The following PFKFB4 variants were observed in gnomAD, a reference collection of about 807,000 sequenced individuals.
The protein encoded by PFKFB4 is 6-phosphofructo-2-kinase/fructose-2,6-bisphosphatase 4.
A neutral mutation model predicts 62.8 loss-of-function variants in PFKFB4; 42 were observed. The ratio of observed to expected loss-of-function variants is 0.67; its 90% CI spans 0.52 to 0.86. The LOEUF is 0.86. Ranked by LOEUF, PFKFB4 falls within the 40% of genes least tolerant of loss-of-function variation. PFKFB4 has a pLI of 0.00. For missense variants in PFKFB4, 475 were observed against 627.2 expected, an observed-to-expected ratio of 0.76 and a Z score of 2.59; for synonymous variants, 204 against 240.7, an observed-to-expected ratio of 0.85 and a Z score of 1.41.
At chr3:48,527,684 C>CTTTT (rs1180697646) in intron 9 of PFKFB4, among the ~76,000 whole-genome samples, 7 of 121,210 alleles carry the variant, frequency 5.8e-5, no homozygotes, top group Admixed American at 3.4e-4. Context: ...CGTCCATCAT[C>CTTTT]TTTTTTTTTT....
intron 9 of PFKFB4, among the ~76,000 whole-genome samples, chr3:48,528,513 A>G (rs1484340276): frequency 6.6e-6 from 1 of 152,082 alleles, no homozygotes; most frequent in Non-Finnish European, 1.5e-5. Flanking sequence ...AAATACAAAA[A>G]TTAGCTGGGT....
chr3:48,523,935 C>A, intron 10 of PFKFB4, 105 bp from the exon 11 acceptor site: 1 of 1,301,232 alleles, frequency 7.7e-7, no homozygotes, highest in Non-Finnish European at 1.1e-6. Flanking sequence ...ACTCACCATT[C>A]TGGGAAGCTG....
intron 9 of PFKFB4, among the ~76,000 whole-genome samples, chr3:48,532,618 A>G (rs2042463297): frequency 6.6e-6 from 1 of 152,236 alleles, no homozygotes; most frequent in Non-Finnish European, 1.5e-5. Flanking sequence ...TGAGAGGCCA[A>G]AGTGGTAGAA....
rs1411928534 is a variant in PFKFB4 at position 48,556,654 on chromosome 3, AC to A, written c.97+26del. 6.2e-6 allele frequency: 8 copies of A among 1,286,682 alleles called. No homozygotes were observed. Among genetic ancestry groups the A allele is most frequent in the African/African-American group, 2.0e-5 (1 of 51,180 alleles). 79.7% of individuals were successfully genotyped at this position (1,286,682 alleles called of 1,614,324 possible). A position where few individuals can be genotyped will look rare whatever the true frequency, so the allele number is the denominator to read the frequency against. On this transcript the variant is annotated intron_variant, in intron 1 of 13. Coordinates refer to ENST00000232375, the MANE Select transcript of PFKFB4 (RefSeq NM_004567.4). The surrounding 1 kb of genome is among the most constrained non-coding windows in gnomAD (Gnocchi z 5.7). ...ACCCACCCATCCCGGTGCACCTCCC[AC>A]CTCCTCCCAGAGGACCCCGCCTCAC...
chr3:48,524,833 T>C (rs2042207232), intron 10 of PFKFB4, among the ~76,000 whole-genome samples: 1 of 152,080 alleles, frequency 6.6e-6, no homozygotes, highest in Non-Finnish European at 1.5e-5. Context: ...CTCCTGGAAG[T>C]GGAAGGAGAT....
At chr3:48,558,669 G>A (rs559002109), upstream of PFKFB4, among the ~76,000 whole-genome samples, 1 of 152,334 alleles carries the variant, frequency 6.6e-6, no homozygotes, top group Non-Finnish European at 1.5e-5. Flanking sequence ...AGCTCTAGCT[G>A]CTTGCCCTGG....
chr3:48,533,904 G>A (rs1478217455), intron 9 of PFKFB4, among the ~76,000 whole-genome samples: 7 of 152,284 alleles, frequency 4.6e-5, no homozygotes, highest in Middle Eastern at 3.4e-3. Flanking sequence ...TTTTAGACAC[G>A]AGACTAGGCA....
At chr3:48,542,749 CAG>C (rs1200247979) in intron 4 of PFKFB4, among the ~76,000 whole-genome samples, 25 of 152,220 alleles carry the variant, frequency 1.6e-4, no homozygotes, top group South Asian at 4.2e-4. Context: ...CATAAGACAT[CAG>C]AGTGATGTTG....
Position 48,556,195 on chromosome 3 carries a change from C to T in PFKFB4, c.97+486G>A, listed in dbSNP as rs761872746. The T allele has an allele frequency of 1.3e-5, 6 of 458,996 alleles. No homozygotes were observed. The highest frequency in any genetic ancestry group is 2.2e-5 in the Non-Finnish European group (5 of 228,724). 28.4% of individuals were successfully genotyped at this position (458,996 alleles called of 1,614,324 possible). A position where few individuals can be genotyped will look rare whatever the true frequency, so the allele number is the denominator to read the frequency against. Reference sequence around the variant, plus strand: ...GCTCAGCTTTAAGGCCAAGAGGCACCCTTCCTCCTGTTGGAAAACTAGCCC... The same window carrying T: ...GCTCAGCTTTAAGGCCAAGAGGCACTCTTCCTCCTGTTGGAAAACTAGCCC... On this transcript the variant is annotated intron_variant, in intron 1 of 13. Coordinates refer to ENST00000232375, the MANE Select transcript of PFKFB4 (RefSeq NM_004567.4). This position sits in a 1 kb window ranked among gnomAD's most constrained non-coding sequence, Gnocchi z 5.7.
intron 4 of PFKFB4, among the ~76,000 whole-genome samples, chr3:48,540,969 G>C (rs2042781156): frequency 6.6e-6 from 1 of 151,840 alleles, no homozygotes; most frequent in Non-Finnish European, 1.5e-5. Flanking sequence ...TAGAGACGAG[G>C]TTTCACCATG....
At position 48,539,301 on chromosome 3, in the gene PFKFB4, C is replaced by T. The variant is rs371774968; in HGVS notation, c.463G>A (p.Val155Ile). The T allele has an allele frequency of 5.0e-6, 8 of 1,606,330 alleles. No homozygotes were observed. In the African/African-American group the frequency reaches 1.1e-4, roughly 22 times the overall value. Residue 155 changes from valine to isoleucine, a missense_variant, in exon 6 of 14, where the codon GTC (valine) becomes ATC (isoleucine). By Grantham distance (29) the Val-to-Ile change is conservative. Coordinates refer to ENST00000232375, the MANE Select transcript of PFKFB4 (RefSeq NM_004567.4). Reference protein sequence around the residue: ...GEQNGYKTFFVESICVDPEVI... With the variant: ...GEQNGYKTFFIESICVDPEVI... ...TCAGGATCCACACAGATGGACTCGA[C>T]AAAAAAGGTCTGCGGCAGGACCAGA...
In PFKFB4 at chr3:48,543,605, A is replaced by G; in HGVS notation, c.353T>C (p.Leu118Pro). ...LAALRDVRRF[L>P]SEEGGHVAVF... Reference sequence around the variant, plus strand: ...CGCCACATGTCCCCCCTCCTCACTAAGGAACCGCCGGACGTCACGGAGGGC... The same window carrying G: ...CGCCACATGTCCCCCCTCCTCACTAGGGAACCGCCGGACGTCACGGAGGGC... The change falls in exon 4 of 14, where the codon CTT becomes CCT. Residue 118 changes from leucine to proline, a missense_variant. By Grantham distance (98) the Leu-to-Pro change is moderately conservative. Transcript: ENST00000232375. 1 of 1,612,064 alleles carries G rather than the reference A, an allele frequency of 6.2e-7. No homozygotes were observed. The highest frequency in any genetic ancestry group is 8.5e-7 in the Non-Finnish European group (1 of 1,179,330).
intron 1 of PFKFB4, among the ~76,000 whole-genome samples, chr3:48,555,433 G>T (rs750681431): frequency 6.6e-6 from 1 of 152,168 alleles, no homozygotes; most frequent in Non-Finnish European, 1.5e-5. Context: ...CTCTCCCCTT[G>T]CTTATCATAC....
chr3:48,563,041 G>C, upstream of PFKFB4: 3 of 1,612,046 alleles, frequency 1.9e-6, no homozygotes, highest in Non-Finnish European at 2.5e-6. The surrounding 1 kb of genome is among the most constrained non-coding windows in gnomAD (Gnocchi z 4.5). Flanking sequence ...GGCGGAGCTG[G>C]AAGGTTGGGA....
Position 48,519,737 on chromosome 3 carries a change from ATGAACATGGTCACTGG to A in PFKFB4, c.1404_*9del. 1 of 1,609,580 alleles carries A rather than the reference ATGAACATGGTCACTGG, an allele frequency of 6.2e-7. No homozygotes were observed. The highest frequency in any genetic ancestry group is 1.1e-5 in the South Asian group (1 of 90,966). ...AGTGCCTGCCTAGTGGTCACAGTGG[ATGAACATGGTCACTGG>A]TGAGCAGGCACCGTGACAAGGGCTT... On this transcript the variant is annotated stop_lost and 3_prime_UTR_variant, in exon 14 of 14. Coordinates refer to ENST00000232375, the MANE Select transcript of PFKFB4 (RefSeq NM_004567.4).
chr3:48,541,230 C>T (rs2042788973), intron 4 of PFKFB4, among the ~76,000 whole-genome samples: 1 of 151,872 alleles, frequency 6.6e-6, no homozygotes, highest in African/African-American at 2.4e-5. Flanking sequence ...TGGGTTCAGG[C>T]CATTCCCCTG....
chr3:48,521,623 A>G lies in PFKFB4; in HGVS notation c.1350+363T>C, dbSNP rs2042096840. 6.6e-6 allele frequency among the ~76,000 whole-genome samples: 1 copy of G among 152,150 alleles called. No homozygotes were observed. The highest frequency in any genetic ancestry group is 2.4e-5 in the African/African-American group (1 of 41,440). On this transcript the variant is annotated intron_variant, in intron 13 of 13. Coordinates refer to ENST00000232375, the MANE Select transcript of PFKFB4 (RefSeq NM_004567.4). The surrounding 1 kb of genome is among the most constrained non-coding windows in gnomAD (Gnocchi z 5.3). The stretch of plus-strand genomic sequence containing the variant: ...TCAGAAGGCCAGAAGCCTCATTCTT[A>G]GCCTCCAGCCTCATTCTCACTGAGC...
At chr3:48,529,547 A>T (rs2042369217) in intron 9 of PFKFB4, among the ~76,000 whole-genome samples, 1 of 152,298 alleles carries the variant, frequency 6.6e-6, no homozygotes, top group Admixed American at 6.5e-5. Context: ...ATTTGGAGGG[A>T]AGACACTGTC....
upstream of PFKFB4, among the ~76,000 whole-genome samples, chr3:48,558,572 C>T (rs2043385402): frequency 6.6e-6 from 1 of 152,244 alleles, no homozygotes; most frequent in South Asian, 2.1e-4. Context: ...CTTAAGATGA[C>T]TGACACAGAT....
Sources: gnomAD v4.1 joint callset for allele counts (sites outside exome capture counted in the v4.1 genomes callset) on GRCh38, gnomAD v4.1.1 for gene constraint, Gnocchi (gnomAD v3.1) non-coding constraint, MANE v1.5 for transcripts, NCBI Gene and HGNC (gene_info 2026-07-23, HGNC 2026-07-21) for gene names.